Variants in EIF3H observed in about 807,000 individuals in gnomAD.
The protein encoded by EIF3H is eIF-3-gamma.
EIF3H carries 26 observed loss-of-function variants against 44.2 expected under a neutral mutation model. The observed-to-expected ratio is 0.59, with a 90% CI of 0.43 to 0.82. The LOEUF (loss-of-function observed/expected upper bound fraction) is 0.82, where lower values mean the gene tolerates loss of function less well. Among genes scored for constraint, EIF3H ranks in the 40% least tolerant of loss-of-function variants. The pLI, the probability that EIF3H is intolerant of heterozygous loss-of-function variation, is 0.00. For missense variants in EIF3H, 359 were observed against 432.8 expected, an observed-to-expected ratio of 0.83 and a Z score of 1.51; for synonymous variants, 166 against 151.9, an observed-to-expected ratio of 1.09 and a Z score of -0.68.
In EIF3H at chr8:116,645,291, A is replaced by G. The variant is rs567984032; in HGVS notation, c.962-188T>C. Reference sequence around the variant, plus strand: ...GAAAATAAGCTACTGTCCACTCTCAATTACATGGAGAATAAAGAAAAACTA... The same window carrying G: ...GAAAATAAGCTACTGTCCACTCTCAGTTACATGGAGAATAAAGAAAAACTA... On this transcript the variant is annotated intron_variant, in intron 7 of 7. Coordinates refer to ENST00000521861, the MANE Select transcript of EIF3H (RefSeq NM_003756.3). 2.6e-5 allele frequency among the ~76,000 whole-genome samples: 4 copies of G among 152,336 alleles called. No homozygotes were observed. The South Asian group carries it at 8.3e-4, about 32-fold the overall frequency.
intron 2 of EIF3H, among the ~76,000 whole-genome samples, chr8:116,717,687 C>T (rs760213423): frequency 6.6e-6 from 1 of 152,098 alleles, no homozygotes; most frequent in Admixed American, 6.6e-5. Flanking sequence ...AGATAATTGG[C>T]AATCCACATG....
chr8:116,753,792 C>A (rs988096725), intron 1 of EIF3H, among the ~76,000 whole-genome samples: 10 of 152,166 alleles, frequency 6.6e-5, no homozygotes, highest in Non-Finnish European at 2.9e-5. Flanking sequence ...TGGCACTTAA[C>A]AGAATGTCCT....
intron 2 of EIF3H, among the ~76,000 whole-genome samples, chr8:116,723,801 G>A (rs1028806599): frequency 1.3e-5 from 2 of 152,118 alleles, no homozygotes; most frequent in African/African-American, 2.4e-5. Flanking sequence ...CTCGTAAACT[G>A]AAACTACAAA....
chr8:116,679,309 C>T (rs1813921898), intron 2 of EIF3H, among the ~76,000 whole-genome samples: 3 of 61,636 alleles, frequency 4.9e-5, no homozygotes, highest in Admixed American at 1.3e-4. Context: ...GGGTCAGCCC[C>T]CCGCCCGGCC....
At chr8:116,698,862 T>C (rs1245727411) in intron 2 of EIF3H, among the ~76,000 whole-genome samples, 2 of 152,246 alleles carry the variant, frequency 1.3e-5, no homozygotes, top group Non-Finnish European at 2.9e-5. Context: ...AAAATTTATA[T>C]ATAGGCAGAG....
At chr8:116,645,187 C>A in intron 7 of EIF3H, 84 bp from the exon 8 acceptor site, 1 of 1,030,944 alleles carries the variant, frequency 9.7e-7, no homozygotes, top group Non-Finnish European at 1.5e-6. Flanking sequence ...GAAAAATCAG[C>A]ATAAAACAGA....
At position 116,643,740 on chromosome 8, in the gene EIF3H, T is replaced by C. The variant is rs375546762; in HGVS notation, c.*1266A>G. The stretch of plus-strand genomic sequence containing the variant: ...AGCCCCAGTAGTGCCTTCAAAACAA[T>C]GTTGTCCAAAAAATGAATTTCTCGA... On this transcript the variant is annotated 3_prime_UTR_variant, in exon 8 of 8. Coordinates refer to ENST00000521861, the MANE Select transcript of EIF3H (RefSeq NM_003756.3). The C allele has an allele frequency of 3.2e-4, 49 of 152,206 alleles. No individual in the cohort carries two copies. The East Asian group carries it at 8.5e-3, about 26-fold the overall frequency. The allele number at this position is 152,206 out of a possible 1,614,324, so 9.4% of individuals were successfully genotyped here.
intron 2 of EIF3H, among the ~76,000 whole-genome samples, chr8:116,712,258 A>G (rs1000024936): frequency 1.7e-4 from 26 of 152,190 alleles, no homozygotes; most frequent in African/African-American, 6.3e-4. Flanking sequence ...ATATGTCTCC[A>G]TAAGGGAGTC....
chr8:116,684,015 G>A (rs932034150), intron 2 of EIF3H, among the ~76,000 whole-genome samples: 1 of 152,174 alleles, frequency 6.6e-6, no homozygotes, highest in African/African-American at 2.4e-5. Context: ...TTTGACAGGT[G>A]AGGAAGTCTA....
At chr8:116,750,431 A>T in intron 1 of EIF3H, among the ~76,000 whole-genome samples, 1 of 131,786 alleles carries the variant, frequency 7.6e-6, no homozygotes, top group South Asian at 2.3e-4. Context: ...TTTTTCTGAG[A>T]CGGAGTCTCG....
At chr8:116,744,599 C>A (rs1171197245) in intron 1 of EIF3H, among the ~76,000 whole-genome samples, 2 of 152,204 alleles carry the variant, frequency 1.3e-5, no homozygotes, top group African/African-American at 4.8e-5. Context: ...CTAATCTTTA[C>A]TGCATATAGC....
chr8:116,725,945 G>C (rs984564479), intron 2 of EIF3H, 71 bp downstream of exon 2: 10 of 1,495,988 alleles, frequency 6.7e-6, no homozygotes, highest in Non-Finnish European at 9.0e-6. Flanking sequence ...ATTATCAAAA[G>C]TTATGGTGAG....
intron 1 of EIF3H, among the ~76,000 whole-genome samples, chr8:116,754,262 T>A (rs1483161918): frequency 6.6e-6 from 1 of 152,102 alleles, no homozygotes; most frequent in East Asian, 1.9e-4. Flanking sequence ...TACAGGCGCG[T>A]GCCAACATGC....
intron 2 of EIF3H, among the ~76,000 whole-genome samples, chr8:116,715,553 A>G (rs983584345): frequency 8.5e-5 from 13 of 152,058 alleles, no homozygotes; most frequent in African/African-American, 2.7e-4. Context: ...TTTGTGTTGT[A>G]GTAAGCAAAA....
At chr8:116,706,543 T>A (rs1013676398) in intron 2 of EIF3H, among the ~76,000 whole-genome samples, 2 of 152,098 alleles carry the variant, frequency 1.3e-5, no homozygotes, top group Non-Finnish European at 2.9e-5. Context: ...TTATTTATTT[T>A]ATTTATTTAG....
At chr8:116,756,192 T>C (rs1004533231), upstream of EIF3H, among the ~76,000 whole-genome samples, 1 of 152,242 alleles carries the variant, frequency 6.6e-6, no homozygotes, top group Non-Finnish European at 1.5e-5. Flanking sequence ...AGAAAACTGA[T>C]AAGTGATTTG....
At chr8:116,754,947 G>A (rs1424358554) in intron 1 of EIF3H, among the ~76,000 whole-genome samples, 1 of 152,128 alleles carries the variant, frequency 6.6e-6, no homozygotes, top group Admixed American at 6.5e-5. Flanking sequence ...TTTAAAAAGA[G>A]GGCAGGAAGG....
chr8:116,655,426 C>T (rs1813472492), intron 5 of EIF3H, among the ~76,000 whole-genome samples: 1 of 151,992 alleles, frequency 6.6e-6, no homozygotes, highest in Admixed American at 6.6e-5. Flanking sequence ...TGCATCTGAA[C>T]AAGGGTAAGT....
At chr8:116,683,018 C>T (rs1230907979) in intron 2 of EIF3H, among the ~76,000 whole-genome samples, 3 of 152,176 alleles carry the variant, frequency 2.0e-5, no homozygotes, top group Admixed American at 2.0e-4. Context: ...TAACATTTTA[C>T]AGATGGCATC....
Sources: allele counts gnomAD v4.1 joint callset (sites outside exome capture counted in the v4.1 genomes callset), GRCh38; gene constraint gnomAD v4.1.1; transcripts MANE v1.5; gene names NCBI Gene and HGNC (gene_info 2026-07-23, HGNC 2026-07-21).